Variants in CENATAC observed in about 807,000 individuals in gnomAD.
CENATAC encodes the protein centrosomal AT-AC splicing factor.
A neutral mutation model predicts 53.7 loss-of-function variants in CENATAC; 53 were observed. The ratio of observed to expected loss-of-function variants is 0.99; its 90% confidence interval spans 0.79 to 1.24. The LOEUF is 1.24. CENATAC is among the 50% of genes most tolerant of loss of function. The pLI is 0.00. For missense variants in CENATAC, 474 were observed against 417.8 expected (o/e 1.13, Z -1.17); for synonymous variants, 156 against 144.6 (o/e 1.08, Z -0.57).
chr11:119,003,393 C>T, intron 3 of CENATAC: 1 of 515,804 alleles, frequency 1.9e-6, no homozygotes, highest in South Asian at 1.4e-5. Flanking sequence ...GCCTTCAGAG[C>T]CTTGCTTTGG....
At chr11:118,999,347 A>G (rs1942174775) in intron 3 of CENATAC, 3 of 444,344 alleles carry the variant, frequency 6.8e-6, no homozygotes, top group Non-Finnish European at 1.2e-5. Flanking sequence ...ACTGTTATCA[A>G]CTACTTAAAT....
At chr11:119,014,942 C>T (rs1190511359) in intron 8 of CENATAC, 52 bp from the exon 9 acceptor site, 1 of 1,212,704 alleles carries the variant, frequency 8.2e-7, no homozygotes, top group Non-Finnish European at 1.1e-6. Context: ...ACATGTTTCA[C>T]AATAGCCTGA....
intron 3 of CENATAC, 73 bp downstream of exon 3, chr11:118,999,182 C>T: frequency 8.7e-7 from 1 of 1,149,738 alleles, no homozygotes; most frequent in Non-Finnish European, 1.3e-6. Flanking sequence ...GGAGCTTACT[C>T]TATTAACTGG....
intron 5 of CENATAC, 153 bp downstream of exon 5, chr11:119,011,436 C>T (rs996275479): frequency 3.1e-5 from 19 of 616,504 alleles, no homozygotes; most frequent in Non-Finnish European, 3.9e-5. Context: ...TGCAGTGGCA[C>T]GATCTCGGCT....
intron 8 of CENATAC, among the ~76,000 whole-genome samples, chr11:119,013,699 G>A (rs573190018): frequency 2.8e-4 from 42 of 151,718 alleles, no homozygotes; most frequent in African/African-American, 1.0e-3. Flanking sequence ...TCCTGACCTC[G>A]TGATCCACCC....
At chr11:119,013,812 G>C (rs1330693014) in intron 8 of CENATAC, among the ~76,000 whole-genome samples, 1 of 151,698 alleles carries the variant, frequency 6.6e-6, no homozygotes, top group South Asian at 2.1e-4. Context: ...GTATGTATCG[G>C]TAAAAGCCTT....
rs530978112 is a variant in CENATAC at position 119,006,960 on chromosome 11, C to T, written c.384-3804C>T. Among the ~76,000 whole-genome samples, 10 of 152,316 alleles carry T rather than the reference C, an allele frequency of 6.6e-5. No individual in the cohort carries two copies. The East Asian group carries it at 1.9e-3, about 29-fold the overall frequency. Reference sequence around the variant, plus strand: ...TTCACCTTCTGCTGTGATTATAAGGCCTCCCCGGCCACATGGAACTGTGTG... The same window carrying T: ...TTCACCTTCTGCTGTGATTATAAGGTCTCCCCGGCCACATGGAACTGTGTG... On this transcript the variant is annotated intron_variant, in intron 3 of 10. Coordinates refer to ENST00000334418, the MANE Select transcript of CENATAC (RefSeq NM_198489.3).
intron 8 of CENATAC, among the ~76,000 whole-genome samples, chr11:119,013,885 A>G (rs922985428): frequency 6.6e-6 from 1 of 152,188 alleles, no homozygotes; most frequent in African/African-American, 2.4e-5. Flanking sequence ...AAGCATATGA[A>G]TAATGTTCAA....
Position 119,015,068 on chromosome 11 carries a change from G to GAATTT in CENATAC, c.791_795dup (p.Leu266AsnfsTer11). 6.2e-7 allele frequency: 1 copy of GAATTT among 1,609,404 alleles called. No homozygotes were observed. The highest frequency in any genetic ancestry group is 8.5e-7 in the Non-Finnish European group (1 of 1,177,378). On this transcript the variant is annotated frameshift_variant, in exon 9 of 11. Transcript: ENST00000334418. LOFTEE classifies it high-confidence loss of function. ...CCAAGAAATAGGACCATCCTATGAA[G>GAATTT]AATTTCTTAAAGAAAGTAAGTAAAC...
intron 7 of CENATAC, chr11:119,012,946 T>C (rs986358024): frequency 2.8e-6 from 1 of 357,382 alleles, no homozygotes; most frequent in African/African-American, 2.1e-5. Flanking sequence ...TCTTCCCCAA[T>C]TATATGTATG....
intron 3 of CENATAC, chr11:119,004,535 T>C (rs782579575): frequency 6.6e-6 from 1 of 152,200 alleles, no homozygotes; most frequent in Admixed American, 6.6e-5. Flanking sequence ...TGTGAGCCAC[T>C]GGTCCCAGCC....
At chr11:119,010,905 G>A in intron 4 of CENATAC, 75 bp downstream of exon 4, 1 of 1,304,936 alleles carries the variant, frequency 7.7e-7, no homozygotes, top group Admixed American at 1.8e-5. Flanking sequence ...TTCCACAGAT[G>A]GACCCAGGCA....
chr11:119,004,393 A>G (rs1942471429), intron 3 of CENATAC: 2 of 152,096 alleles, frequency 1.3e-5, no homozygotes, highest in Non-Finnish European at 2.9e-5. Context: ...GACTATAGGC[A>G]TGCGCCACCA....
intron 8 of CENATAC, chr11:119,014,133 CAT>C (rs1267927305): frequency 1.3e-5 from 2 of 152,244 alleles, no homozygotes; most frequent in African/African-American, 4.8e-5. Flanking sequence ...AGCCTGTCTA[CAT>C]AGACTTGTAC....
At chr11:118,999,844 G>A (rs562048195) in intron 3 of CENATAC, among the ~76,000 whole-genome samples, 12 of 151,894 alleles carry the variant, frequency 7.9e-5, no homozygotes, top group African/African-American at 2.7e-4. Context: ...GGGTTTCACC[G>A]TGTTAGCCAG....
chr11:119,012,034 A>G lies in CENATAC; in HGVS notation c.578+31A>G, dbSNP rs1201922035. ...ACTATTAGGGAATCTCTTGTTGGGA[A>G]TTTGACATCTTAGAACATTCTGCAA... On this transcript the variant is annotated intron_variant, in intron 6 of 10. Transcript: ENST00000334418. 4 of 1,613,746 alleles carry G rather than the reference A, an allele frequency of 2.5e-6. No individual in the cohort carries two copies. In the South Asian group the frequency reaches 3.3e-5, roughly 13 times the overall value.
chr11:119,011,227 G>T lies in CENATAC; in HGVS notation c.457G>T (p.Ala153Ser). ...AGCAGCCTCTCTCCCACAGATGGCA[G>T]CTCAGATCCGTGAGGTGGAGCAGAG... is the stretch of plus-strand genomic sequence containing the variant. ...KEDKVIKEMA[A>S]QIREVEQSRQ... Residue 153 changes from alanine to serine, a missense_variant, in exon 5 of 11, where the codon GCT becomes TCT. Coordinates refer to ENST00000334418, the MANE Select transcript of CENATAC (RefSeq NM_198489.3). The T allele has an allele frequency of 6.2e-7, 1 of 1,614,060 alleles. No homozygotes were observed. The highest frequency in any genetic ancestry group is 8.5e-7 in the Non-Finnish European group (1 of 1,179,944).
chr11:119,015,051 TAGG>T lies in CENATAC; in HGVS notation c.775_777del (p.Gly259del), dbSNP rs781784408. 5 of 1,609,614 alleles carry T rather than the reference TAGG, an allele frequency of 3.1e-6. No individual in the cohort carries two copies. In the Admixed American group the frequency reaches 8.4e-5, roughly 27 times the overall value. On this transcript the variant is annotated inframe_deletion, in exon 9 of 11. Coordinates refer to ENST00000334418, the MANE Select transcript of CENATAC (RefSeq NM_198489.3). ...GAATACATTGCTGGGAACCAAGAAA[TAGG>T]ACCATCCTATGAAGAATTTCTTAAA...
At chr11:119,012,454 G>GT in intron 7 of CENATAC, 200 bp downstream of exon 7, 1 of 543,222 alleles carries the variant, frequency 1.8e-6, no homozygotes, top group South Asian at 2.3e-5. Context: ...ACACTTAGGA[G>GT]TGCCAACTCC....
Sources: allele counts gnomAD v4.1 joint callset (sites outside exome capture counted in the v4.1 genomes callset), GRCh38; gene constraint gnomAD v4.1.1; transcripts MANE v1.5; gene names NCBI Gene and HGNC (gene_info 2026-07-23, HGNC 2026-07-21).